The following NAV2 variants were observed in gnomAD, a reference collection of about 807,000 sequenced individuals.
The protein encoded by NAV2 is helicase, APC down-regulated 1.
NAV2 carries 54 observed loss-of-function variants against 223.2 expected under a neutral mutation model. The ratio of observed to expected loss-of-function variants is 0.24; its 90% CI spans 0.19 to 0.30. The LOEUF is 0.30. Among genes scored for constraint, NAV2 ranks in the 10% least tolerant of loss-of-function variants. NAV2 has a pLI of 1.00. For missense variants in NAV2, 2,806 were observed against 3,147.5 expected (o/e 0.89, Z 2.60); for synonymous variants, 1,279 against 1,239.3 (o/e 1.03, Z -0.67).
chr11:19,891,993 C>G (rs534473123), intron 5 of NAV2, among the ~76,000 whole-genome samples: 1 of 152,218 alleles, frequency 6.6e-6, no homozygotes, highest in East Asian at 1.9e-4. Context: ...GGGTCCCACT[C>G]TGTCACCCAG....
intron 1 of NAV2, among the ~76,000 whole-genome samples, chr11:19,456,531 G>C (rs1258795488): frequency 6.6e-6 from 1 of 152,052 alleles, no homozygotes; most frequent in Non-Finnish European, 1.5e-5. Context: ...TTCTTTCTTG[G>C]CCAGCATAGA....
intron 1 of NAV2, among the ~76,000 whole-genome samples, chr11:19,647,198 C>A (rs553148969): frequency 6.6e-6 from 1 of 152,186 alleles, no homozygotes; most frequent in African/African-American, 2.4e-5. Context: ...GCTGAGCGCA[C>A]ATGTGCCTAC....
At chr11:19,427,772 C>T (rs7933365) in intron 1 of NAV2, among the ~76,000 whole-genome samples, 5,199 of 152,118 alleles carry the variant, frequency 0.034, 322 homozygotes, top group African/African-American at 0.12. Flanking sequence ...TGAGTGAAGC[C>T]GAATATCTTC....
intron 1 of NAV2, among the ~76,000 whole-genome samples, chr11:19,575,592 C>A (rs73422245): frequency 6.6e-6 from 1 of 152,222 alleles, no homozygotes; most frequent in Non-Finnish European, 1.5e-5. Flanking sequence ...ATTCTACCCC[C>A]CTATGCAAGT....
intron 3 of NAV2, among the ~76,000 whole-genome samples, chr11:19,859,144 T>C (rs1479533542): frequency 1.1e-4 from 15 of 140,774 alleles, no homozygotes; most frequent in Non-Finnish European, 9.3e-5. Context: ...TCTCTTTTTT[T>C]TTTTTTTTTT....
chr11:19,456,840 C>CT (rs1185065034), intron 1 of NAV2, among the ~76,000 whole-genome samples: 1 of 152,178 alleles, frequency 6.6e-6, no homozygotes, highest in Non-Finnish European at 1.5e-5. Flanking sequence ...GGACTAGACT[C>CT]TCCTGGACAG....
chr11:19,448,622 T>G (rs912170155), intron 1 of NAV2, among the ~76,000 whole-genome samples: 12 of 152,194 alleles, frequency 7.9e-5, no homozygotes, highest in Admixed American at 7.9e-4. Flanking sequence ...CTGTAAGTAT[T>G]CATTATGTGA....
intron 5 of NAV2, among the ~76,000 whole-genome samples, chr11:19,881,512 G>T (rs1351138141): frequency 3.9e-5 from 6 of 152,128 alleles, no homozygotes; most frequent in African/African-American, 1.4e-4. Flanking sequence ...GCAGTTCTGT[G>T]GGGGGAAAAT....
chr11:19,944,568 C>CTTTCCA (rs368917717), intron 8 of NAV2, among the ~76,000 whole-genome samples: 4 of 148,868 alleles, frequency 2.7e-5, no homozygotes, highest in South Asian at 2.1e-4. Flanking sequence ...TTCCCTTTCC[C>CTTTCCA]TTTCCATTTC....
chr11:19,585,271 G>C (rs2045857548), intron 1 of NAV2, among the ~76,000 whole-genome samples: 1 of 152,116 alleles, frequency 6.6e-6, no homozygotes, highest in South Asian at 2.1e-4. Flanking sequence ...GCCTATGTGT[G>C]TCTCTACCCG....
intron 2 of NAV2, among the ~76,000 whole-genome samples, chr11:19,836,286 G>C (rs543423999): frequency 2.0e-5 from 3 of 151,826 alleles, no homozygotes; most frequent in African/African-American, 4.8e-5. Flanking sequence ...GGCCAGGCGC[G>C]GTGGCTCACG....
chr11:19,904,875 G>A (rs546275023), intron 6 of NAV2, among the ~76,000 whole-genome samples: 2 of 152,116 alleles, frequency 1.3e-5, no homozygotes, highest in Non-Finnish European at 2.9e-5. Context: ...TACAATAGCC[G>A]GTAGGTTGGA....
At chr11:19,675,266 G>C (rs1222059001) in intron 1 of NAV2, among the ~76,000 whole-genome samples, 3 of 152,082 alleles carry the variant, frequency 2.0e-5, no homozygotes, top group Non-Finnish European at 4.4e-5. Context: ...AAAATGCCCT[G>C]GAGTCTTTGT....
chr11:19,351,162 A>G (rs1853286131), intron 1 of NAV2: 1 of 855,758 alleles, frequency 1.2e-6, no homozygotes, highest in East Asian at 2.7e-5. Context: ...GTGGCTTGAG[A>G]TTTGCTATGT....
At chr11:20,005,053 CA>C (rs1412406521) in intron 11 of NAV2, among the ~76,000 whole-genome samples, 1 of 151,962 alleles carries the variant, frequency 6.6e-6, no homozygotes, top group Non-Finnish European at 1.5e-5. Context: ...AGCTCCAAGG[CA>C]GAGCAGGAAC....
At chr11:19,472,161 A>G (rs149839621) in intron 1 of NAV2, among the ~76,000 whole-genome samples, 13 of 152,300 alleles carry the variant, frequency 8.5e-5, no homozygotes, top group African/African-American at 3.1e-4. Flanking sequence ...GTTTTCTGCA[A>G]TCCCTTTCAG....
At chr11:19,489,340 T>C (rs2632020) in intron 1 of NAV2, among the ~76,000 whole-genome samples, 73,727 of 152,098 alleles carry the variant, frequency 0.48, 18,386 homozygotes, top group Admixed American at 0.55. Flanking sequence ...AATTGTGATG[T>C]CTTTCTACCT....
At chr11:19,905,948 G>A (rs967294719) in intron 6 of NAV2, among the ~76,000 whole-genome samples, 14 of 152,104 alleles carry the variant, frequency 9.2e-5, no homozygotes, top group African/African-American at 3.4e-4. Flanking sequence ...TGGTGAAGCA[G>A]GTGCCTTACT....
chr11:20,100,710 C>A (rs897612678), intron 31 of NAV2, among the ~76,000 whole-genome samples: 4 of 152,012 alleles, frequency 2.6e-5, no homozygotes, highest in Non-Finnish European at 5.9e-5. Context: ...GGGAAGTTAG[C>A]CAAGACAGGA....
Sources: allele counts gnomAD v4.1 joint callset (sites outside exome capture counted in the v4.1 genomes callset), GRCh38; gene constraint gnomAD v4.1.1; transcripts MANE v1.5; gene names NCBI Gene and HGNC (gene_info 2026-07-23, HGNC 2026-07-21).